The following USH2A variants were observed in gnomAD, a reference collection of about 807,000 sequenced individuals.
USH2A encodes the protein usherin.
A neutral mutation model predicts 538.9 loss-of-function variants in USH2A; 443 were observed. The observed-to-expected ratio is 0.82, with a 90% CI of 0.76 to 0.89. The LOEUF is 0.89. Ranked by LOEUF, USH2A falls within the 40% of genes least tolerant of loss-of-function variation. USH2A has a pLI of 0.00. For missense variants in USH2A, 6,633 were observed against 6,324.8 expected (o/e 1.05, Z -1.65); for synonymous variants, 2,413 against 2,273.5 (o/e 1.06, Z -1.75).
At chr1:215,938,332 T>C (rs983685842) in intron 37 of USH2A, among the ~76,000 whole-genome samples, 4 of 152,036 alleles carry the variant, frequency 2.6e-5, no homozygotes, top group African/African-American at 9.7e-5. Context: ...ATCCACAGAT[T>C]TTAGCTCTTC....
chr1:215,761,503 A>T (rs995636086), intron 56 of USH2A, among the ~76,000 whole-genome samples: 8 of 152,164 alleles, frequency 5.3e-5, no homozygotes, highest in Non-Finnish European at 1.0e-4. Flanking sequence ...CCATGGTAGC[A>T]GGGATCTTCT....
Position 215,650,850 on chromosome 1 carries a change from T to TG in USH2A, c.14134-50dup, listed in dbSNP as rs765620402. 51 of 1,387,160 alleles carry TG rather than the reference T, an allele frequency of 3.7e-5. No individual in the cohort carries two copies. The African/African-American group carries it at 5.4e-4, about 15-fold the overall frequency. 85.9% of individuals were successfully genotyped at this position (1,387,160 alleles called of 1,614,324 possible). On this transcript the variant is annotated intron_variant, in intron 64 of 71. Coordinates refer to ENST00000307340, the MANE Select transcript of USH2A (RefSeq NM_206933.4). ...TGTCAAAAGCAAGATACCCTAAGGC[T>TG]GGGAAAAAAAAAAAAAAAAGAAAGG...
At chr1:216,356,199 C>T (rs1161091200) in intron 4 of USH2A, among the ~76,000 whole-genome samples, 1 of 151,886 alleles carries the variant, frequency 6.6e-6, no homozygotes, top group Non-Finnish European at 1.5e-5. Context: ...GTTAAATGTC[C>T]AATGAACGCT....
intron 58 of USH2A, among the ~76,000 whole-genome samples, chr1:215,747,669 A>G (rs1339686316): frequency 2.0e-5 from 3 of 152,184 alleles, no homozygotes; most frequent in African/African-American, 7.2e-5. Context: ...GAGATTGAAG[A>G]AGGAATCGGG....
At chr1:216,001,370 G>A (rs1450828002) in intron 32 of USH2A, among the ~76,000 whole-genome samples, 1 of 152,036 alleles carries the variant, frequency 6.6e-6, no homozygotes, top group Non-Finnish European at 1.5e-5. Flanking sequence ...CTAGGGTAGT[G>A]CCCTAGGCTG....
At position 215,976,923 on chromosome 1, in the gene USH2A, A is replaced by G. The variant is rs369868905; in HGVS notation, c.6806-6147T>C. Among the ~76,000 whole-genome samples, 19 of 151,764 alleles carry G rather than the reference A, an allele frequency of 1.3e-4. No individual in the cohort carries two copies. In the East Asian group the frequency reaches 1.9e-3, roughly 15 times the overall value. Reference sequence around the variant, plus strand: ...TGATATTTTGTAACAGTTTTAGTAGAATCATTACCAACTCTTCCTTGTACA... The same window carrying G: ...TGATATTTTGTAACAGTTTTAGTAGGATCATTACCAACTCTTCCTTGTACA... On this transcript the variant is annotated intron_variant, in intron 35 of 71. Coordinates refer to ENST00000307340, the MANE Select transcript of USH2A (RefSeq NM_206933.4).
intron 58 of USH2A, among the ~76,000 whole-genome samples, chr1:215,751,213 T>TA (rs1432794542): frequency 6.6e-6 from 1 of 152,166 alleles, no homozygotes; most frequent in East Asian, 1.9e-4. Flanking sequence ...GACCATATTA[T>TA]GGCCAGCTAA....
chr1:215,751,559 G>T (rs1660622420), intron 58 of USH2A, among the ~76,000 whole-genome samples: 1 of 152,044 alleles, frequency 6.6e-6, no homozygotes, highest in Admixed American at 6.6e-5. Flanking sequence ...TTAAACAGCA[G>T]GGATATCTAT....
intron 49 of USH2A, among the ~76,000 whole-genome samples, chr1:215,804,579 A>G (rs1320625584): frequency 1.4e-5 from 2 of 147,904 alleles, no homozygotes; most frequent in East Asian, 2.1e-4. Flanking sequence ...CAAAACCACA[A>G]TGAGATACTA....
intron 70 of USH2A, chr1:215,630,261 C>T (rs1558029232): frequency 6.6e-6 from 3 of 457,174 alleles, no homozygotes; most frequent in African/African-American, 6.0e-5. Flanking sequence ...CAGAGTCAAA[C>T]TGAGAACAAA....
chr1:215,747,533 A>T (rs1397492949), intron 58 of USH2A, among the ~76,000 whole-genome samples: 1 of 152,204 alleles, frequency 6.6e-6, no homozygotes, highest in Non-Finnish European at 1.5e-5. Context: ...TTTGAGACTC[A>T]GTTCATTAAT....
chr1:215,994,519 A>T (rs1348487192), intron 34 of USH2A, among the ~76,000 whole-genome samples: 1 of 149,498 alleles, frequency 6.7e-6, no homozygotes, highest in Non-Finnish European at 1.5e-5. Context: ...CTATTACAAG[A>T]CTATAGCAAT....
intron 69 of USH2A, among the ~76,000 whole-genome samples, chr1:215,637,579 A>G (rs373338924): frequency 6.6e-6 from 1 of 152,172 alleles, no homozygotes; most frequent in East Asian, 1.9e-4. Context: ...ACTAAATGAG[A>G]TCTGTTCTAT....
intron 3 of USH2A, among the ~76,000 whole-genome samples, chr1:216,383,779 A>G (rs1319572286): frequency 6.6e-6 from 1 of 151,980 alleles, no homozygotes; most frequent in Non-Finnish European, 1.5e-5. Flanking sequence ...GGCTCAGAAG[A>G]TCTTCCCATC....
chr1:216,360,522 C>G (rs1436011599), intron 4 of USH2A, among the ~76,000 whole-genome samples: 1 of 151,942 alleles, frequency 6.6e-6, no homozygotes. Flanking sequence ...TTAATGTAAA[C>G]TATGGACTGT....
chr1:216,054,913 T>C (rs1265138187), intron 30 of USH2A, among the ~76,000 whole-genome samples: 2 of 152,184 alleles, frequency 1.3e-5, no homozygotes, highest in Non-Finnish European at 2.9e-5. Context: ...ACTTTTAGTC[T>C]GGCGGTGAAA....
At chr1:215,663,687 T>C (rs1414085927) in intron 64 of USH2A, among the ~76,000 whole-genome samples, 2 of 152,078 alleles carry the variant, frequency 1.3e-5, no homozygotes, top group Non-Finnish European at 2.9e-5. Flanking sequence ...TCAGTCAGAG[T>C]CCTGTATTGG....
Position 215,691,599 on chromosome 1 carries a change from C to T in USH2A, c.12067-11223G>A, listed in dbSNP as rs186034112. On this transcript the variant is annotated intron_variant, in intron 61 of 71. Transcript: ENST00000307340. ...TCCTCCCAATTTTGATTCTTTTTAT[C>T]CTGATTTATTTTCTTAAGCACTCAT... 1.5e-3 allele frequency among the ~76,000 whole-genome samples: 229 copies of T among 152,186 alleles called. 4 individuals are homozygous for T. Among genetic ancestry groups the T allele is most frequent in the Admixed American group, 0.014 (213 of 15,286 alleles).
At chr1:215,689,500 C>T (rs114635969) in intron 61 of USH2A, among the ~76,000 whole-genome samples, 1,565 of 152,330 alleles carry the variant, frequency 0.01, 27 homozygotes, top group African/African-American at 0.035. Context: ...CTCCCTCCCC[C>T]TGAGTGCAGT....
Sources: gnomAD v4.1 joint callset for allele counts (sites outside exome capture counted in the v4.1 genomes callset) on GRCh38, gnomAD v4.1.1 for gene constraint, MANE v1.5 for transcripts, NCBI Gene and HGNC (gene_info 2026-07-23, HGNC 2026-07-21) for gene names.